KIAA1217: variants seen among roughly 807,000 people sequenced by gnomAD.
The protein encoded by KIAA1217 is KIAA1217.
Under a neutral mutation model 163.9 loss-of-function variants are expected in KIAA1217, and 88 were observed. The ratio of observed to expected loss-of-function variants is 0.54; its 90% CI spans 0.45 to 0.64. The LOEUF is 0.64. Ranked by LOEUF, KIAA1217 falls within the 30% of genes least tolerant of loss-of-function variation. The pLI, the probability that KIAA1217 is intolerant of heterozygous loss-of-function variation, is 0.00. For synonymous variants in KIAA1217, 903 were observed against 923.1 expected (o/e 0.98, Z 0.39); for missense variants, 2,372 against 2,475.0 (o/e 0.96, Z 0.88).
chr10:24,195,124 C>G (rs1001409773), intron 2 of KIAA1217, among the ~76,000 whole-genome samples: 2 of 152,134 alleles, frequency 1.3e-5, no homozygotes, highest in African/African-American at 4.8e-5. Context: ...CCTTGACTCT[C>G]TCTCTGGGCT....
At chr10:24,349,651 G>T (rs2048214865) in intron 2 of KIAA1217, among the ~76,000 whole-genome samples, 1 of 152,184 alleles carries the variant, frequency 6.6e-6, no homozygotes, top group South Asian at 2.1e-4. Context: ...TGGTGTGCTG[G>T]TGGGATTGTA....
intron 6 of KIAA1217, among the ~76,000 whole-genome samples, chr10:24,486,733 G>T (rs2065449859): frequency 6.6e-6 from 1 of 152,150 alleles, no homozygotes; most frequent in Admixed American, 6.5e-5. Flanking sequence ...TCTCAGTGAA[G>T]CCCTGTCTGC....
At chr10:23,716,430 C>T (rs746890883) in intron 1 of KIAA1217, among the ~76,000 whole-genome samples, 1 of 152,116 alleles carries the variant, frequency 6.6e-6, no homozygotes, top group Admixed American at 6.6e-5. Context: ...TAAATAAATG[C>T]AATATGTGAA....
At chr10:24,396,974 G>A (rs2055851295) in intron 3 of KIAA1217, among the ~76,000 whole-genome samples, 1 of 152,154 alleles carries the variant, frequency 6.6e-6, no homozygotes, top group Admixed American at 6.6e-5. Flanking sequence ...CAATAATCCA[G>A]GAAGATGGGA....
chr10:24,339,828 A>G (rs948446546), intron 2 of KIAA1217, among the ~76,000 whole-genome samples: 1 of 152,220 alleles, frequency 6.6e-6, no homozygotes, highest in Non-Finnish European at 1.5e-5. Flanking sequence ...TTTACAATGA[A>G]GAACTTTAGT....
intron 3 of KIAA1217, among the ~76,000 whole-genome samples, chr10:24,421,065 T>C (rs7098799): frequency 0.7 from 105,837 of 152,036 alleles, 37,955 homozygotes; most frequent in African/African-American, 0.88. Flanking sequence ...AGTGCAATGG[T>C]GTGATCTTGG....
At chr10:24,055,530 A>C (rs967134980) in intron 2 of KIAA1217, among the ~76,000 whole-genome samples, 1 of 152,188 alleles carries the variant, frequency 6.6e-6, no homozygotes, top group Non-Finnish European at 1.5e-5. Flanking sequence ...GCATCCTTCC[A>C]TTCTTACTTG....
intron 1 of KIAA1217, among the ~76,000 whole-genome samples, chr10:23,944,998 G>A (rs931509634): frequency 1.3e-5 from 2 of 150,328 alleles, no homozygotes; most frequent in African/African-American, 4.9e-5. Context: ...GGCGGAGGTT[G>A]CAGTGAGAAG....
At chr10:24,395,627 GC>G (rs1253824611) in intron 3 of KIAA1217, among the ~76,000 whole-genome samples, 1 of 152,180 alleles carries the variant, frequency 6.6e-6, no homozygotes, top group Non-Finnish European at 1.5e-5. Context: ...CTAGGGCTAG[GC>G]ACGTTCTTGT....
intron 1 of KIAA1217, among the ~76,000 whole-genome samples, chr10:23,959,946 C>G (rs1439388848): frequency 7.1e-6 from 1 of 141,080 alleles, no homozygotes; most frequent in Admixed American, 7.4e-5. Context: ...GACAGAGTCT[C>G]CCTCTGTTGC....
intron 2 of KIAA1217, among the ~76,000 whole-genome samples, chr10:24,129,699 A>G (rs1035501686): frequency 6.6e-6 from 1 of 152,012 alleles, no homozygotes; most frequent in Non-Finnish European, 1.5e-5. Context: ...ATTTCAACTA[A>G]TCTATTTCAG....
At chr10:23,789,738 C>A (rs577447204) in intron 1 of KIAA1217, among the ~76,000 whole-genome samples, 1 of 151,954 alleles carries the variant, frequency 6.6e-6, no homozygotes, top group South Asian at 2.1e-4. Context: ...TGAGAAATGG[C>A]CAACTTTGGT....
At chr10:24,388,740 G>A (rs1395213459) in intron 3 of KIAA1217, among the ~76,000 whole-genome samples, 1 of 152,036 alleles carries the variant, frequency 6.6e-6, no homozygotes, top group African/African-American at 2.4e-5. Flanking sequence ...CAACAAGCGG[G>A]CGAAGGATAT....
chr10:24,330,159 G>T (rs1180120135), intron 2 of KIAA1217, among the ~76,000 whole-genome samples: 1 of 152,004 alleles, frequency 6.6e-6, no homozygotes, highest in Non-Finnish European at 1.5e-5. Flanking sequence ...AATTAGCCAG[G>T]CGTGGTGGCG....
intron 1 of KIAA1217, among the ~76,000 whole-genome samples, chr10:23,810,435 C>A (rs2130981298): frequency 7.0e-6 from 1 of 141,866 alleles, no homozygotes; most frequent in African/African-American, 2.6e-5. Flanking sequence ...GCTATATGTA[C>A]TATATATAGA....
intron 3 of KIAA1217, among the ~76,000 whole-genome samples, chr10:24,412,521 G>A (rs2057881211): frequency 1.3e-5 from 2 of 152,174 alleles, no homozygotes; most frequent in Non-Finnish European, 2.9e-5. Context: ...GTTAACCAGT[G>A]CTTGCTTCTC....
At chr10:23,950,822 A>G (rs748511906) in intron 1 of KIAA1217, among the ~76,000 whole-genome samples, 4 of 152,170 alleles carry the variant, frequency 2.6e-5, no homozygotes, top group Non-Finnish European at 4.4e-5. Flanking sequence ...CATAATCTCC[A>G]TGAGGGCTCA....
chr10:24,092,923 G>GT (rs1264828234), intron 2 of KIAA1217, among the ~76,000 whole-genome samples: 19 of 132,324 alleles, frequency 1.4e-4, no homozygotes, highest in African/African-American at 7.3e-4. Flanking sequence ...GTGTGTGTGT[G>GT]TGTGTTGTGT....
At chr10:24,451,851 G>A (rs931757507) in intron 5 of KIAA1217, among the ~76,000 whole-genome samples, 2 of 152,122 alleles carry the variant, frequency 1.3e-5, no homozygotes, top group African/African-American at 4.8e-5. Context: ...TGCATCCCTT[G>A]TACCTGCATG....
Sources: allele counts gnomAD v4.1 joint callset (sites outside exome capture counted in the v4.1 genomes callset), GRCh38; gene constraint gnomAD v4.1.1; transcripts MANE v1.5; gene names NCBI Gene and HGNC (gene_info 2026-07-23, HGNC 2026-07-21).